AURKC: variants seen among roughly 807,000 people sequenced by gnomAD.
AURKC encodes the protein ARK-3.
AURKC carries 15 observed loss-of-function variants against 29.2 expected under a neutral mutation model. That is an observed-to-expected ratio of 0.51 (90% CI 0.34 to 0.79). The LOEUF (loss-of-function observed/expected upper bound fraction) is 0.79. Among genes scored for constraint, AURKC ranks in the 30% least tolerant of loss-of-function variants. The probability of loss-of-function intolerance (pLI) is 0.01; values close to 1 mark genes in which losing one functional copy is unlikely to be tolerated. For synonymous variants in AURKC, 150 were observed against 149.9 expected (o/e 1.00, Z -0.01); for missense variants, 332 against 383.2 (o/e 0.87, Z 1.12).
At chr19:57,233,822 C>T (rs1179618373) in intron 5 of AURKC, among the ~76,000 whole-genome samples, 1 of 151,850 alleles carries the variant, frequency 6.6e-6, no homozygotes, top group African/African-American at 2.4e-5. Flanking sequence ...ATCTCGGCCT[C>T]CCAGGTTAAA....
At chr19:57,231,331 A>G in intron 1 of AURKC, 25 bp downstream of exon 1, 1 of 1,551,962 alleles carries the variant, frequency 6.4e-7, no homozygotes. Flanking sequence ...CAGAGAAAGG[A>G]CGCAGGGAAG....
chr19:57,235,294 G>C lies in AURKC; in HGVS notation c.807G>C (p.Leu269Phe). ...PLSMPLGARD[L>F]ISRLLRYQPL... is the part of the protein sequence containing the mutation. Reference sequence around the variant, plus strand: ...CAATGCCTCTGGGGGCCCGGGACTTGATTTCCAGGCTTCTCAGATACCAGC... The same window carrying C: ...CAATGCCTCTGGGGGCCCGGGACTTCATTTCCAGGCTTCTCAGATACCAGC... Residue 269 changes from leucine to phenylalanine, a missense_variant, in exon 7 of 7, where the codon TTG (leucine) becomes TTC (phenylalanine). Coordinates refer to ENST00000302804, the MANE Select transcript of AURKC (RefSeq NM_001015878.2). 1 of 1,614,198 alleles carries C rather than the reference G, an allele frequency of 6.2e-7. No homozygotes were observed. The highest frequency in any genetic ancestry group is 1.1e-5 in the South Asian group (1 of 91,082).
chr19:57,232,540 A>G lies in AURKC; in HGVS notation c.297-2A>G. 6.2e-7 allele frequency: 1 copy of G among 1,614,182 alleles called. No individual in the cohort carries two copies. The highest frequency in any genetic ancestry group is 8.5e-7 in the Non-Finnish European group (1 of 1,180,032). ...CTGACTCTTCCAACATTAATCCTTC[A>G]GACACCCCAATATCCTGCGCCTGTA... On this transcript the variant is annotated splice_acceptor_variant, in intron 3 of 6. Coordinates refer to ENST00000302804, the MANE Select transcript of AURKC (RefSeq NM_001015878.2). LOFTEE classifies it high-confidence loss of function. The surrounding 1 kb of genome is among the most constrained non-coding windows in gnomAD (Gnocchi z 4.5).
chr19:57,232,103 C>T lies in AURKC; in HGVS notation c.175C>T (p.Leu59=). The change falls in exon 3 of 7, where the codon CTG becomes TTG. Residue 59 remains leucine, a synonymous_variant. Transcript: ENST00000302804. This position sits in a 1 kb window ranked among gnomAD's most constrained non-coding sequence, Gnocchi z 4.5. The part of the protein sequence containing the change: ...LGKGKFGNVY[L]ARLKESHFIV... ...CAAGGGGAAATTTGGGAATGTGTAC[C>T]TGGCTCGGCTCAAGGAAAGCCATTT... 5 of 1,614,108 alleles carry T rather than the reference C, an allele frequency of 3.1e-6. No individual in the cohort carries two copies. Among genetic ancestry groups the T allele is most frequent in the Non-Finnish European group, 4.2e-6 (5 of 1,180,034 alleles).
At chr19:57,231,870 G>C (rs2087495365) in intron 2 of AURKC, 83 bp downstream of exon 2, 1 of 1,612,344 alleles carries the variant, frequency 6.2e-7, no homozygotes. Context: ...GTGGGGTGCT[G>C]GCTCCTGGGA....
At position 57,232,159 on chromosome 19, in the gene AURKC, G is replaced by A. The variant is rs1568483946; in HGVS notation, c.231G>A (p.Ser77=). Residue 77 remains serine (S), a synonymous_variant, in exon 3 of 7, where the codon TCG becomes TCA. Coordinates refer to ENST00000302804, the MANE Select transcript of AURKC (RefSeq NM_001015878.2). The surrounding 1 kb of genome is among the most constrained non-coding windows in gnomAD (Gnocchi z 4.5). ...FIVALKVLFK[S]QIEKEGLEHQ... ...TGGCCCTGAAGGTTCTCTTCAAGTC[G>A]CAGATAGAGAAGGAAGGACTGGAGC... is the stretch of plus-strand genomic sequence containing the variant. The A allele has an allele frequency of 1.9e-6, 3 of 1,613,934 alleles. No individual in the cohort carries two copies. Among genetic ancestry groups the A allele is most frequent in the Admixed American group, 1.7e-5 (1 of 59,976 alleles).
At position 57,232,248 on chromosome 19, in the gene AURKC, T is replaced by C. The variant is rs1182294411; in HGVS notation, c.296+24T>C. ...CAGTAAGGACAGTCTCTGCTTCCTCTTTCATCTTTGACGTCTGAGCCCAGC... is the reference window on the plus strand; with the variant it reads ...CAGTAAGGACAGTCTCTGCTTCCTCCTTCATCTTTGACGTCTGAGCCCAGC... On this transcript the variant is annotated intron_variant, in intron 3 of 6. Transcript: ENST00000302804. This position sits in a 1 kb window ranked among gnomAD's most constrained non-coding sequence, Gnocchi z 4.5. 5.6e-6 allele frequency: 9 copies of C among 1,612,530 alleles called. No homozygotes were observed. The highest frequency in any genetic ancestry group is 7.6e-6 in the Non-Finnish European group (9 of 1,179,882).
At position 57,231,739 on chromosome 19, in the gene AURKC, C is replaced by A. The variant is rs751151295; in HGVS notation, c.59-3C>A. On this transcript the variant is annotated splice_region_variant and splice_polypyrimidine_tract_variant and intron_variant, in intron 1 of 6. Transcript: ENST00000302804. The stretch of plus-strand genomic sequence containing the variant: ...CTATCTCCCTCCTCCTCCTCTCTTT[C>A]AGTGGCTACAGCAAACCAAACAGCC... 6.2e-7 allele frequency: 1 copy of A among 1,613,928 alleles called. No homozygotes were observed. The highest frequency in any genetic ancestry group is 1.1e-5 in the South Asian group (1 of 91,062).
In AURKC at chr19:57,232,242, T is replaced by G; in HGVS notation, c.296+18T>G. On this transcript the variant is annotated intron_variant, in intron 3 of 6. Transcript: ENST00000302804. The surrounding 1 kb of genome is among the most constrained non-coding windows in gnomAD (Gnocchi z 4.5). ...CATCTACAGTAAGGACAGTCTCTGCTTCCTCTTTCATCTTTGACGTCTGAG... is the reference window on the plus strand; with the variant it reads ...CATCTACAGTAAGGACAGTCTCTGCGTCCTCTTTCATCTTTGACGTCTGAG... 2 of 1,613,082 alleles carry G rather than the reference T, an allele frequency of 1.2e-6. No homozygotes were observed. The highest frequency in any genetic ancestry group is 1.7e-6 in the Non-Finnish European group (2 of 1,179,934).
At chr19:57,231,412 C>T (rs1299569004) in intron 1 of AURKC, 106 bp downstream of exon 1, 1 of 1,267,956 alleles carries the variant, frequency 7.9e-7, no homozygotes, top group Non-Finnish European at 1.1e-6. Flanking sequence ...CTCTCCTCCT[C>T]CCCAACGCTC....
intron 1 of AURKC, 139 bp downstream of exon 1, chr19:57,231,445 C>T (rs935141998): frequency 5.0e-6 from 5 of 1,005,234 alleles, no homozygotes; most frequent in South Asian, 1.4e-5. Flanking sequence ...CACTCCCTCC[C>T]TTCCCTCCAA....
Position 57,235,258 on chromosome 19 carries a change from G to T in AURKC, c.771G>T (p.Arg257Ser). Reference protein sequence around the residue: ...TYRRILKVDVRFPLSMPLGAR... With the variant: ...TYRRILKVDVSFPLSMPLGAR... ...CCTGGCCTCATCAGGTAGATGTGAGGTTTCCACTATCAATGCCTCTGGGGG... is the reference window on the plus strand; with the variant it reads ...CCTGGCCTCATCAGGTAGATGTGAGTTTTCCACTATCAATGCCTCTGGGGG... Residue 257 changes from arginine to serine, a missense_variant, in exon 7 of 7, where the codon AGG (arginine) becomes AGT (serine). Physicochemically the swap from Arg to Ser is moderately radical, Grantham distance 110. Coordinates refer to ENST00000302804, the MANE Select transcript of AURKC (RefSeq NM_001015878.2). 2 of 1,614,208 alleles carry T rather than the reference G, an allele frequency of 1.2e-6. No individual in the cohort carries two copies. The highest frequency in any genetic ancestry group is 1.1e-5 in the South Asian group (1 of 91,092).
rs190379644 is a variant in AURKC, at chr19:57,232,357, C to T, written c.296+133C>T. ...GCAGTTCATTCCATTTACACTACCT[C>T]CTACCCTGGGTCAGACACTCGAATC... is the stretch of plus-strand genomic sequence containing the variant. On this transcript the variant is annotated intron_variant, in intron 3 of 6. Coordinates refer to ENST00000302804, the MANE Select transcript of AURKC (RefSeq NM_001015878.2). The surrounding 1 kb of genome is among the most constrained non-coding windows in gnomAD (Gnocchi z 4.5). 27 of 1,397,634 alleles carry T rather than the reference C, an allele frequency of 1.9e-5. 1 individual carries two copies. In the East Asian group the frequency reaches 6.3e-4, roughly 33 times the overall value. 86.6% of individuals were successfully genotyped at this position (1,397,634 alleles called of 1,614,324 possible).
At position 57,232,197 on chromosome 19, in the gene AURKC, G is replaced by A. The variant is rs1179694544; in HGVS notation, c.269G>A (p.Arg90Gln). 8 of 1,614,000 alleles carry A rather than the reference G, an allele frequency of 5.0e-6. No individual in the cohort carries two copies. Among genetic ancestry groups the A allele is most frequent in the South Asian group, 1.1e-5 (1 of 91,058 alleles). Reference protein sequence around the residue: ...EKEGLEHQLRREIEIQAHLQH... With the variant: ...EKEGLEHQLRQEIEIQAHLQH... ...GAAGGACTGGAGCACCAGCTGCGCC[G>A]GGAAATTGAGATCCAGGCTCATCTA... The change falls in exon 3 of 7, where the codon CGG becomes CAG. Residue 90 changes from arginine to glutamine, a missense_variant. Physicochemically the swap from Arg to Gln is conservative, Grantham distance 43. Transcript: ENST00000302804. This position sits in a 1 kb window ranked among gnomAD's most constrained non-coding sequence, Gnocchi z 4.5.
Position 57,231,387 on chromosome 19 carries a change from T to G in AURKC, c.58+81T>G, listed in dbSNP as rs952419318. On this transcript the variant is annotated intron_variant, in intron 1 of 6. Coordinates refer to ENST00000302804, the MANE Select transcript of AURKC (RefSeq NM_001015878.2). ...TCGGGTGCACAGAAGACACATGTGTTGACATCTCCCCTCCCTCTCCTCCTC... is the reference window on the plus strand; with the variant it reads ...TCGGGTGCACAGAAGACACATGTGTGGACATCTCCCCTCCCTCTCCTCCTC... 22 of 1,454,442 alleles carry G rather than the reference T, an allele frequency of 1.5e-5. No homozygotes were observed. The Admixed American group carries it at 4.1e-4, about 27-fold the overall frequency. 90.1% of individuals were successfully genotyped at this position (1,454,442 alleles called of 1,614,324 possible).
rs1340045277 is a variant in AURKC, at chr19:57,232,084, G to A, written c.156G>A (p.Gly52=). 2 of 1,614,132 alleles carry A rather than the reference G, an allele frequency of 1.2e-6. No individual in the cohort carries two copies. The highest frequency in any genetic ancestry group is 1.7e-4 in the Middle Eastern group (1 of 6,060). ...DFEIGRPLGK[G]KFGNVYLARL... is the part of the protein sequence containing the mutation. The stretch of plus-strand genomic sequence containing the variant: ...AAATCGGGCGTCCCCTGGGCAAGGG[G>A]AAATTTGGGAATGTGTACCTGGCTC... Residue 52 remains glycine, a synonymous_variant, in exon 3 of 7, where the codon GGG becomes GGA. Coordinates refer to ENST00000302804, the MANE Select transcript of AURKC (RefSeq NM_001015878.2). The surrounding 1 kb of genome is among the most constrained non-coding windows in gnomAD (Gnocchi z 4.5).
chr19:57,234,053 CTTTTTTT>C (rs10586926), intron 5 of AURKC, among the ~76,000 whole-genome samples: 5 of 112,628 alleles, frequency 4.4e-5, no homozygotes, highest in Admixed American at 9.3e-5. Flanking sequence ...TTTTTCTTTT[CTTTTTTT>C]TTTTTTTTTT....
intron 5 of AURKC, 146 bp downstream of exon 5, chr19:57,233,754 C>CT (rs779336470): frequency 0.056 from 46,778 of 831,722 alleles, 16 homozygotes; most frequent in Middle Eastern, 0.066. Flanking sequence ...CTTTTCTTTT[C>CT]TTTTTTTTTT....
intron 5 of AURKC, among the ~76,000 whole-genome samples, chr19:57,234,009 G>C (rs2087520359): frequency 6.6e-6 from 1 of 151,206 alleles, no homozygotes; most frequent in African/African-American, 2.4e-5. Flanking sequence ...TGGGATTACA[G>C]GCGTCAGCCA....
Sources: allele counts gnomAD v4.1 joint callset (sites outside exome capture counted in the v4.1 genomes callset), GRCh38; gene constraint gnomAD v4.1.1; non-coding constraint Gnocchi (gnomAD v3.1); transcripts MANE v1.5; gene names NCBI Gene and HGNC (gene_info 2026-07-23, HGNC 2026-07-21).